The following KMT2C variants were observed in gnomAD, a reference collection of about 807,000 sequenced individuals.
KMT2C encodes histone-lysine N-methyltransferase 2C.
A neutral mutation model predicts 507.9 loss-of-function variants in KMT2C; 88 were observed. That is an observed-to-expected ratio of 0.17 (90% CI 0.15 to 0.21). The LOEUF is 0.21. Among genes scored for constraint, KMT2C ranks in the 10% least tolerant of loss-of-function variants. KMT2C has a pLI of 1.00. For missense variants in KMT2C, 4,954 were observed against 5,957.8 expected, an observed-to-expected ratio of 0.83 and a Z score of 5.55; for synonymous variants, 2,049 against 2,080.8, an observed-to-expected ratio of 0.98 and a Z score of 0.42.
intron 14 of KMT2C, among the ~76,000 whole-genome samples, chr7:152,240,610 T>TAA (rs1257929789): frequency 6.6e-6 from 1 of 152,296 alleles, no homozygotes; most frequent in Non-Finnish European, 1.5e-5. Context: ...AAACCCCTCT[T>TAA]AAGTTTGCCA....
chr7:152,221,984 A>G lies in KMT2C; in HGVS notation c.3499+17T>C, dbSNP rs369689556. 4 of 1,571,992 alleles carry G rather than the reference A, an allele frequency of 2.5e-6. No individual in the cohort carries two copies. Among genetic ancestry groups the G allele is most frequent in the East Asian group, 2.3e-5 (1 of 44,156 alleles). ...AAAGTAAATTAATTAAATCAAGTAA[A>G]GCATTTCAAATTTTACCTAGCTCTT... On this transcript the variant is annotated intron_variant, in intron 22 of 58. Transcript: ENST00000262189.
At position 152,154,353 on chromosome 7, in the gene KMT2C, T is replaced by C. The variant is rs1352181483; in HGVS notation, c.12053A>G (p.Tyr4018Cys). 74 of 1,614,160 alleles carry C rather than the reference T, an allele frequency of 4.6e-5. No individual in the cohort carries two copies. The highest frequency in any genetic ancestry group is 6.2e-5 in the Non-Finnish European group (73 of 1,180,002). The change falls in exon 47 of 59, where the codon TAT becomes TGT. Residue 4018 changes from tyrosine (Y) to cysteine (C), a missense_variant. Transcript: ENST00000262189. ...CTCCTTGACCAATGACAGATCTGGATACCTGCTCACTTCTACCCCAACCAC... is the reference window on the plus strand; with the variant it reads ...CTCCTTGACCAATGACAGATCTGGACACCTGCTCACTTCTACCCCAACCAC... ...ESVVGVEVSR[Y>C]PDLSLVKEEP...
intron 7 of KMT2C, among the ~76,000 whole-genome samples, chr7:152,271,695 A>AAAAC (rs1262206531): frequency 1.4e-5 from 2 of 147,856 alleles, no homozygotes; most frequent in African/African-American, 5.0e-5. Flanking sequence ...AAAAAAAAAA[A>AAAAC]CCCCAAAGAA....
At chr7:152,169,554 G>A (rs184401238) in intron 40 of KMT2C, among the ~76,000 whole-genome samples, 114 of 152,184 alleles carry the variant, frequency 7.5e-4, no homozygotes, top group Middle Eastern at 6.8e-3. Flanking sequence ...CTAATACTAA[G>A]CGAGAGATCT....
At chr7:152,366,128 C>T (rs58790953) in intron 1 of KMT2C, among the ~76,000 whole-genome samples, 2,175 of 152,236 alleles carry the variant, frequency 0.014, 134 homozygotes, top group Admixed American at 0.11. Context: ...AACTGAAACA[C>T]TAGTGCACAG....
chr7:152,289,149 T>C (rs1391784355), intron 6 of KMT2C, among the ~76,000 whole-genome samples: 2 of 152,260 alleles, frequency 1.3e-5, no homozygotes, highest in Non-Finnish European at 2.9e-5. Flanking sequence ...TTACTGTTCC[T>C]TGAGTTTTCA....
intron 2 of KMT2C, among the ~76,000 whole-genome samples, chr7:152,346,749 A>C (rs183496162): frequency 3.0e-4 from 45 of 152,314 alleles, no homozygotes; most frequent in African/African-American, 8.9e-4. Context: ...CCAATAACAT[A>C]AACAGTAGAT....
chr7:152,214,764 C>T lies in KMT2C; in HGVS notation c.3712+5759G>A, dbSNP rs536667104. 1.1e-4 allele frequency among the ~76,000 whole-genome samples: 16 copies of T among 146,616 alleles called. No homozygotes were observed. The East Asian group carries it at 2.8e-3, about 26-fold the overall frequency. On this transcript the variant is annotated intron_variant, in intron 23 of 58. Transcript: ENST00000262189. ...GTAGGCAGCGGGGTGAGAAGCTGAACGTATAGAGAGTAGAATGGTGGTTAT... is the reference window on the plus strand; with the variant it reads ...GTAGGCAGCGGGGTGAGAAGCTGAATGTATAGAGAGTAGAATGGTGGTTAT...
intron 1 of KMT2C, among the ~76,000 whole-genome samples, chr7:152,411,708 C>A (rs1333552160): frequency 6.6e-6 from 1 of 152,204 alleles, no homozygotes; most frequent in African/African-American, 2.4e-5. Flanking sequence ...ACAAGAACTT[C>A]CCCTGTCTAC....
intron 26 of KMT2C, among the ~76,000 whole-genome samples, chr7:152,200,637 C>T (rs1377513853): frequency 3.3e-5 from 5 of 151,958 alleles, no homozygotes; most frequent in African/African-American, 9.7e-5. Flanking sequence ...GGCTGAGGCA[C>T]GAGAATCACT....
intron 34 of KMT2C, 86 bp downstream of exon 34, chr7:152,185,472 G>A: frequency 1.0e-6 from 1 of 988,114 alleles, no homozygotes; most frequent in Non-Finnish European, 1.6e-6. Flanking sequence ...TTCTGAAATG[G>A]AAATTTGTTT....
Position 152,429,192 on chromosome 7 carries a change from T to C in KMT2C, c.161+6434A>G, listed in dbSNP as rs1035116627. 5.3e-5 allele frequency among the ~76,000 whole-genome samples: 8 copies of C among 152,204 alleles called. No individual in the cohort carries two copies. The East Asian group carries it at 1.5e-3, about 29-fold the overall frequency. On this transcript the variant is annotated intron_variant, in intron 1 of 58. Coordinates refer to ENST00000262189, the MANE Select transcript of KMT2C (RefSeq NM_170606.3). The stretch of plus-strand genomic sequence containing the variant: ...ACAATAAATCTTCCAGGGTTGACTG[T>C]TCATCCCAGGACATATTTAGCACTT...
At chr7:152,173,577 T>A (rs1338123636) in intron 39 of KMT2C, among the ~76,000 whole-genome samples, 3 of 152,210 alleles carry the variant, frequency 2.0e-5, no homozygotes, top group Non-Finnish European at 2.9e-5. Flanking sequence ...ATTTCAAAAA[T>A]TCAGATATTG....
intron 1 of KMT2C, among the ~76,000 whole-genome samples, chr7:152,379,610 G>A (rs1429974679): frequency 3.9e-5 from 6 of 152,264 alleles, no homozygotes; most frequent in Non-Finnish European, 8.8e-5. Context: ...CAGCTACTCA[G>A]AGGCTGAAGT....
At chr7:152,326,798 G>A (rs566384333) in intron 3 of KMT2C, among the ~76,000 whole-genome samples, 99 of 152,198 alleles carry the variant, frequency 6.5e-4, no homozygotes, top group Middle Eastern at 3.4e-3. Context: ...GGAGAATCGC[G>A]CGAACCCGGG....
intron 6 of KMT2C, among the ~76,000 whole-genome samples, chr7:152,276,264 A>G (rs963973825): frequency 4.6e-5 from 7 of 152,218 alleles, no homozygotes; most frequent in African/African-American, 1.7e-4. Flanking sequence ...TCCTAAACCA[A>G]GTAAAAAGTA....
intron 1 of KMT2C, among the ~76,000 whole-genome samples, chr7:152,421,726 G>A (rs2097778316): frequency 1.3e-5 from 2 of 152,142 alleles, no homozygotes; most frequent in African/African-American, 4.8e-5. Flanking sequence ...AGACACCAAG[G>A]CTTACTCGAG....
At chr7:152,336,264 T>C (rs535040067) in intron 2 of KMT2C, among the ~76,000 whole-genome samples, 2 of 152,298 alleles carry the variant, frequency 1.3e-5, no homozygotes, top group African/African-American at 4.8e-5. Flanking sequence ...ACAGAAGCTG[T>C]CTTTAACTGT....
chr7:152,169,160 C>T lies in KMT2C; in HGVS notation c.9517+26G>A, dbSNP rs369744677. ...GTGCAGACAAGCAATCCCCAGAAAACATTAACTTATTAGATTTATACTTAC... is the reference window on the plus strand; with the variant it reads ...GTGCAGACAAGCAATCCCCAGAAAATATTAACTTATTAGATTTATACTTAC... On this transcript the variant is annotated intron_variant, in intron 41 of 58. Transcript: ENST00000262189. The T allele has an allele frequency of 1.7e-5, 25 of 1,433,726 alleles. No homozygotes were observed. In the African/African-American group the frequency reaches 3.5e-4, roughly 20 times the overall value. The allele number at this position is 1,433,726 out of a possible 1,614,324, so 88.8% of individuals were successfully genotyped here. A position where few individuals can be genotyped will look rare whatever the true frequency, so the allele number is the denominator to read the frequency against.
Sources: gnomAD v4.1 joint callset for allele counts (sites outside exome capture counted in the v4.1 genomes callset) on GRCh38, gnomAD v4.1.1 for gene constraint, MANE v1.5 for transcripts, NCBI Gene and HGNC (gene_info 2026-07-23, HGNC 2026-07-21) for gene names.